Variants in THRAP3 observed in about 807,000 individuals in gnomAD.
THRAP3 encodes the protein thyroid hormone receptor associated protein 3.
Under a neutral mutation model 101.0 loss-of-function variants are expected in THRAP3, and 16 were observed. That is an observed-to-expected ratio of 0.16 (90% CI 0.11 to 0.24). The LOEUF is 0.24. THRAP3 is among the 10% of genes least tolerant of loss of function. The probability of loss-of-function intolerance (pLI) is 1.00; values close to 1 mark genes in which losing one functional copy is unlikely to be tolerated. For synonymous variants in THRAP3, 407 were observed against 422.6 expected (o/e 0.96, Z 0.45); for missense variants, 989 against 1,202.7 (o/e 0.82, Z 2.63).
intron 1 of THRAP3, among the ~76,000 whole-genome samples, chr1:36,243,811 T>A (rs904052165): frequency 2.9e-5 from 4 of 135,792 alleles, no homozygotes; most frequent in Non-Finnish European, 6.4e-5. Flanking sequence ...GACGGGCGGC[T>A]GGCCAGGCGG....
chr1:36,237,075 C>T (rs1408636014), intron 1 of THRAP3, among the ~76,000 whole-genome samples: 1 of 152,116 alleles, frequency 6.6e-6, no homozygotes, highest in East Asian at 1.9e-4. Flanking sequence ...ACTGGGGAGG[C>T]TGAGGCAGGA....
Position 36,304,340 on chromosome 1 carries a change from T to C in THRAP3, c.*323T>C, listed in dbSNP as rs1040666356. The C allele has an allele frequency of 1.1e-5, 3 of 264,394 alleles. No individual in the cohort carries two copies. Among genetic ancestry groups the C allele is most frequent in the African/African-American group, 6.5e-5 (3 of 46,184 alleles). 16.4% of individuals were successfully genotyped at this position (264,394 alleles called of 1,614,324 possible). On this transcript the variant is annotated 3_prime_UTR_variant, in exon 12 of 12. Transcript: ENST00000354618. ...GCGATGCTTGGATTTTTGTTTCCTATTAGAAACCAACAGTTTTGTTCTAAT... is the reference window on the plus strand; with the variant it reads ...GCGATGCTTGGATTTTTGTTTCCTACTAGAAACCAACAGTTTTGTTCTAAT...
intron 9 of THRAP3, among the ~76,000 whole-genome samples, chr1:36,300,382 A>C (rs1349001567): frequency 6.6e-6 from 1 of 152,218 alleles, no homozygotes; most frequent in African/African-American, 2.4e-5. Context: ...ATTGTCCTTT[A>C]CTGCATGCCA....
At chr1:36,303,178 G>C (rs1646052228) in intron 11 of THRAP3, among the ~76,000 whole-genome samples, 1 of 146,530 alleles carries the variant, frequency 6.8e-6, no homozygotes, top group Non-Finnish European at 1.5e-5. Context: ...AGCCCAGGCT[G>C]GTCTCGAAAT....
intron 1 of THRAP3, among the ~76,000 whole-genome samples, chr1:36,238,551 G>T (rs913951816): frequency 6.6e-6 from 1 of 152,124 alleles, no homozygotes; most frequent in East Asian, 1.9e-4. Context: ...AGCTTGTTTA[G>T]TGTCTATTTT....
intron 2 of THRAP3, among the ~76,000 whole-genome samples, chr1:36,271,591 C>CTTTTTTTTTTTTTTTTTTTTTTTTTT (rs34782789): frequency 1.7e-5 from 1 of 60,136 alleles, no homozygotes; most frequent in Non-Finnish European, 3.2e-5. Flanking sequence ...TTTTTCTTAT[C>CTTTTTTTTTTTTTTTTTTTTTTTTTT]TTTTTTTTTT....
intron 1 of THRAP3, among the ~76,000 whole-genome samples, chr1:36,228,601 G>A (rs1031581680): frequency 1.3e-5 from 2 of 151,986 alleles, no homozygotes; most frequent in Non-Finnish European, 2.9e-5. Context: ...GTGATCCAAC[G>A]GGCTCGGCCT....
intron 5 of THRAP3, among the ~76,000 whole-genome samples, chr1:36,290,883 G>C (rs1645859157): frequency 1.3e-5 from 2 of 149,306 alleles, no homozygotes; most frequent in African/African-American, 5.2e-5. Flanking sequence ...CAGGCAGCTG[G>C]AAGTCTATGT....
At chr1:36,270,294 G>T (rs1557434575) in intron 2 of THRAP3, among the ~76,000 whole-genome samples, 1 of 152,128 alleles carries the variant, frequency 6.6e-6, no homozygotes, top group African/African-American at 2.4e-5. Flanking sequence ...GGAGGCTGAG[G>T]TGGGAGGATC....
At chr1:36,241,999 G>A in intron 1 of THRAP3, 1 of 175,264 alleles carries the variant, frequency 5.7e-6, no homozygotes, top group Admixed American at 5.9e-5. Flanking sequence ...ATGTTGTATG[G>A]ATTTTGCCAT....
the THRAP3 span, among the ~76,000 whole-genome samples, chr1:36,214,043 A>AAAGG: frequency 7.6e-6 from 1 of 131,508 alleles, no homozygotes; most frequent in Non-Finnish European, 1.7e-5. Context: ...AGAAAGAAAG[A>AAAGG]AAGAAAGAAA....
the THRAP3 span, among the ~76,000 whole-genome samples, chr1:36,215,777 T>C: frequency 4.6e-5 from 7 of 152,022 alleles, no homozygotes; most frequent in Admixed American, 4.6e-4. Context: ...GAGACAGAGT[T>C]TTGCTCTTGT....
At chr1:36,207,675 G>A in the THRAP3 span, among the ~76,000 whole-genome samples, 1 of 152,204 alleles carries the variant, frequency 6.6e-6, no homozygotes, top group Non-Finnish European at 1.5e-5. Flanking sequence ...TTTCTCTGCT[G>A]CATTGACAGA....
intron 2 of THRAP3, among the ~76,000 whole-genome samples, chr1:36,277,389 AG>A (rs1645674350): frequency 6.6e-6 from 1 of 151,436 alleles, no homozygotes; most frequent in Admixed American, 6.6e-5. Context: ...TAGTAGAGAT[AG>A]GGTTTCGCCA....
At chr1:36,257,635 A>G (rs1229600594) in intron 1 of THRAP3, among the ~76,000 whole-genome samples, 1 of 152,194 alleles carries the variant, frequency 6.6e-6, no homozygotes, top group Non-Finnish European at 1.5e-5. Flanking sequence ...CAGAGTAACT[A>G]AAGGCCAGAG....
Position 36,303,833 on chromosome 1 carries a change from T to TGAGCCG in THRAP3, c.2686_2691dup (p.Ser896_Arg897dup). The TGAGCCG allele has an allele frequency of 1.2e-6, 2 of 1,613,982 alleles. No individual in the cohort carries two copies. The highest frequency in any genetic ancestry group is 1.7e-6 in the Non-Finnish European group (2 of 1,179,984). Reference sequence around the variant, plus strand: ...GAAGGCGAAGGCAGTGACAAGTGGGTGAGCCGGGGCCGGGGCCGAGGAGCC... The same window carrying TGAGCCG: ...GAAGGCGAAGGCAGTGACAAGTGGGTGAGCCGGAGCCGGGGCCGGGGCCGAGGAGCC... On this transcript the variant is annotated inframe_insertion, in exon 12 of 12. Transcript: ENST00000354618.
chr1:36,292,642 A>C lies in THRAP3; in HGVS notation c.1963A>C (p.Thr655Pro). 1 of 1,613,824 alleles carries C rather than the reference A, an allele frequency of 6.2e-7. No homozygotes were observed. Among genetic ancestry groups the C allele is most frequent in the Non-Finnish European group, 8.5e-7 (1 of 1,179,900 alleles). ...SSGMTLHERF[T>P]KYLKRGTEQE... The stretch of plus-strand genomic sequence containing the variant: ...AGGAATGACATTACATGAACGCTTT[A>C]CTAAATACCTAAAGAGAGGAACTGA... Residue 655 changes from threonine (T) to proline (P), a missense_variant, in exon 7 of 12, where the codon ACT becomes CCT. By Grantham distance (38) the Thr-to-Pro change is conservative. Coordinates refer to ENST00000354618, the MANE Select transcript of THRAP3 (RefSeq NM_005119.4).
chr1:36,268,664 A>G (rs940615491), intron 2 of THRAP3, among the ~76,000 whole-genome samples: 5 of 152,144 alleles, frequency 3.3e-5, no homozygotes, highest in Non-Finnish European at 5.9e-5. Flanking sequence ...CACTGTGCCC[A>G]GGAGAGAAAC....
At chr1:36,257,750 A>AAT (rs1645393770) in intron 1 of THRAP3, among the ~76,000 whole-genome samples, 1 of 152,236 alleles carries the variant, frequency 6.6e-6, no homozygotes, top group Non-Finnish European at 1.5e-5. Flanking sequence ...AATAGGAAAT[A>AAT]TGATGGAGTA....
Sources: allele counts gnomAD v4.1 joint callset (sites outside exome capture counted in the v4.1 genomes callset), GRCh38; gene constraint gnomAD v4.1.1; transcripts MANE v1.5; gene names NCBI Gene and HGNC (gene_info 2026-07-23, HGNC 2026-07-21).